Variants in PGK1 observed in about 807,000 individuals in gnomAD.
PGK1 encodes the protein PRP 2.
A neutral mutation model predicts 26.9 loss-of-function variants in PGK1; 3 were observed. That is an observed-to-expected ratio of 0.11 (90% CI 0.05 to 0.29). PGK1 has a LOEUF of 0.29. Ranked by LOEUF, PGK1 falls within the 10% of genes least tolerant of loss-of-function variation. The pLI is 1.00. For missense variants in PGK1, 270 were observed against 314.7 expected (o/e 0.86, Z 1.07); for synonymous variants, 125 against 115.3 (o/e 1.08, Z -0.54).
chrX:78,104,994 C>G (rs782010791), intron 1 of PGK1, among the ~76,000 whole-genome samples: 1 of 112,546 alleles, frequency 8.9e-6, no homozygotes, highest in African/African-American at 3.2e-5. Flanking sequence ...ACGTAACAGG[C>G]GTCTGCTGCC....
chrX:78,104,555 G>A, intron 1 of PGK1, 150 bp downstream of exon 1: 3 of 528,477 alleles, frequency 5.7e-6, no homozygotes, highest in Non-Finnish European at 9.8e-6. Flanking sequence ...CTGCTCACGG[G>A]TTTGGTGGTT....
Position 78,126,386 on chromosome X carries a change from G to A in PGK1, c.*556G>A, listed in dbSNP as rs1404942843. 8.8e-6 allele frequency: 1 copy of A among 114,061 alleles called. No homozygotes were observed. The allele number at this position is 114,061 out of a possible 1,213,427, so 9.4% of individuals were successfully genotyped here. ...AGAAGTGGGGCAGCAGCAGTGGAGAGATGGGACAATTAGATAAATGTCCAT... is the reference window on the plus strand; with the variant it reads ...AGAAGTGGGGCAGCAGCAGTGGAGAAATGGGACAATTAGATAAATGTCCAT... On this transcript the variant is annotated 3_prime_UTR_variant, in exon 11 of 11. Transcript: ENST00000373316.
chrX:78,125,652 A>C lies in PGK1; in HGVS notation c.1214-138A>C, dbSNP rs782283726. The C allele has an allele frequency of 1.3e-3, 785 of 622,423 alleles. 1 individual carries two copies. The highest frequency in any genetic ancestry group is 1.7e-3 in the Non-Finnish European group (628 of 360,673). The allele number at this position is 622,423 out of a possible 1,213,427, so 51.3% of individuals were successfully genotyped here. A position where few individuals can be genotyped will look rare whatever the true frequency, so the allele number is the denominator to read the frequency against. ...ATGGTCTAGTAGACCTGGAATCCAC[A>C]ATGTAAAAGTTGGCCAGCTCCTGGC... is the stretch of plus-strand genomic sequence containing the variant. On this transcript the variant is annotated intron_variant, in intron 10 of 10. Coordinates refer to ENST00000373316, the MANE Select transcript of PGK1 (RefSeq NM_000291.4).
At chrX:78,106,766 A>C in intron 1 of PGK1, 1 of 220,114 alleles carries the variant, frequency 4.5e-6, no homozygotes, top group Non-Finnish European at 6.6e-6. Flanking sequence ...GCCTCTTTGA[A>C]TACACTTCTG....
chrX:78,115,423 C>T (rs910355656), intron 4 of PGK1, among the ~76,000 whole-genome samples: 8 of 110,760 alleles, frequency 7.2e-5, no homozygotes, highest in African/African-American at 2.6e-4. Context: ...TTTGGGAGGC[C>T]GAGGTGGGTG....
intron 10 of PGK1, among the ~76,000 whole-genome samples, 175 bp downstream of exon 10, chrX:78,125,600 G>T (rs1232065003): frequency 9.0e-6 from 1 of 111,564 alleles, no homozygotes; most frequent in Non-Finnish European, 1.9e-5. Context: ...GGCGGGGAGG[G>T]ACAGATAGAA....
At chrX:78,109,097 T>C (rs782347735) in intron 1 of PGK1, among the ~76,000 whole-genome samples, 2 of 111,696 alleles carry the variant, frequency 1.8e-5, no homozygotes, top group African/African-American at 6.5e-5. Context: ...TAGTAATCTG[T>C]TGGGTAAGAG....
chrX:78,121,070 T>A (rs1218286797), intron 6 of PGK1, among the ~76,000 whole-genome samples: 1 of 112,323 alleles, frequency 8.9e-6, no homozygotes, highest in African/African-American at 3.2e-5. Flanking sequence ...AATACTCCTG[T>A]ATACATCTTG....
Position 78,109,929 on chromosome X carries a change from G to A in PGK1, c.116+12G>A. 8.8e-7 allele frequency: 1 copy of A among 1,133,689 alleles called. No individual in the cohort carries two copies. Among genetic ancestry groups the A allele is most frequent in the East Asian group, 3.0e-5 (1 of 33,543 alleles). 93.4% of individuals were successfully genotyped at this position (1,133,689 alleles called of 1,213,427 possible). ...ACAAACAACCAGAGGTAAGGTCCCT[G>A]CTAATCCTTGGGCTGGGTTTAAGAT... On this transcript the variant is annotated intron_variant, in intron 2 of 10. Transcript: ENST00000373316.
chrX:78,112,885 A>G (rs2078307942), intron 2 of PGK1, among the ~76,000 whole-genome samples: 1 of 112,484 alleles, frequency 8.9e-6, no homozygotes, highest in South Asian at 3.6e-4. Flanking sequence ...TTTCTTCAGC[A>G]GTGAAAAATG....
intron 6 of PGK1, among the ~76,000 whole-genome samples, chrX:78,120,466 T>G (rs1224478283): frequency 9.1e-6 from 1 of 110,331 alleles, no homozygotes; most frequent in Non-Finnish European, 1.9e-5. Flanking sequence ...TATATAGACA[T>G]ATCTATATAT....
chrX:78,120,208 G>A (rs2078347253), intron 6 of PGK1, among the ~76,000 whole-genome samples: 1 of 111,465 alleles, frequency 9.0e-6, no homozygotes, highest in Non-Finnish European at 1.9e-5. Context: ...ACACTCATAT[G>A]TATGGAAGTT....
intron 2 of PGK1, 77 bp from the exon 3 acceptor site, chrX:78,113,667 T>G: frequency 9.8e-6 from 9 of 913,947 alleles, no homozygotes; most frequent in African/African-American, 3.8e-5. Context: ...TTATGCTTTA[T>G]GAGGTTATCA....
intron 1 of PGK1, among the ~76,000 whole-genome samples, chrX:78,106,169 C>G (rs2078271726): frequency 9.0e-6 from 1 of 111,579 alleles, no homozygotes; most frequent in South Asian, 3.7e-4. Context: ...TCATTTAGCA[C>G]ACGCTAACCC....
At chrX:78,119,126 C>T (rs904069392) in intron 6 of PGK1, among the ~76,000 whole-genome samples, 1 of 111,500 alleles carries the variant, frequency 9.0e-6, no homozygotes, top group Non-Finnish European at 1.9e-5. Context: ...ACCATATAAT[C>T]TGGCAGGGTA....
chrX:78,116,488 G>A (rs183940909), intron 4 of PGK1, among the ~76,000 whole-genome samples: 1 of 112,044 alleles, frequency 8.9e-6, no homozygotes, highest in Admixed American at 9.4e-5. Context: ...GAGCATAGGA[G>A]TGGGCAGTGA....
intron 5 of PGK1, 40 bp from the exon 6 acceptor site, chrX:78,118,011 A>G (rs1557247632): frequency 8.5e-7 from 1 of 1,173,496 alleles, no homozygotes; most frequent in Non-Finnish European, 1.2e-6. Context: ...GAGGAATGAT[A>G]GGGATTGACT....
chrX:78,121,128 C>G (rs2078352702), intron 6 of PGK1, among the ~76,000 whole-genome samples: 1 of 112,145 alleles, frequency 8.9e-6, no homozygotes, highest in Non-Finnish European at 1.9e-5. Context: ...TTATACCTAA[C>G]AAATTTAGCA....
At chrX:78,112,526 C>T (rs2078306358) in intron 2 of PGK1, among the ~76,000 whole-genome samples, 2 of 112,102 alleles carry the variant, frequency 1.8e-5, no homozygotes, top group Admixed American at 9.4e-5. Flanking sequence ...AAACCAAGCT[C>T]TAGACAGTGC....
Sources: gnomAD v4.1 joint callset for allele counts (sites outside exome capture counted in the v4.1 genomes callset) on GRCh38, gnomAD v4.1.1 for gene constraint, MANE v1.5 for transcripts, NCBI Gene and HGNC (gene_info 2026-07-23, HGNC 2026-07-21) for gene names.